INSR: variants seen among roughly 807,000 people sequenced by gnomAD.
The protein encoded by INSR is IR.
INSR carries 67 observed loss-of-function variants against 142.6 expected under a neutral mutation model. That is an observed-to-expected ratio of 0.47 (90% CI 0.39 to 0.58). The LOEUF (loss-of-function observed/expected upper bound fraction) is 0.58, where lower values mean the gene tolerates loss of function less well. Ranked by LOEUF, INSR falls within the 20% of genes least tolerant of loss-of-function variation. The pLI, the probability that INSR is intolerant of heterozygous loss-of-function variation, is 0.00. For synonymous variants in INSR, 756 were observed against 743.1 expected (o/e 1.02, Z -0.28); for missense variants, 1,248 against 1,833.2 (o/e 0.68, Z 5.83).
intron 21 of INSR, 99 bp from the exon 22 acceptor site, chr19:7,117,509 A>G: frequency 1.3e-6 from 1 of 780,256 alleles, no homozygotes; most frequent in Non-Finnish European, 2.1e-6. Context: ...CCCACGGACC[A>G]CATGTGCTCA....
Position 7,117,087 on chromosome 19 carries a change from A to G in INSR, c.4118T>C (p.Ile1373Thr). 1 of 1,614,098 alleles carries G rather than the reference A, an allele frequency of 6.2e-7. No individual in the cohort carries two copies. The highest frequency in any genetic ancestry group is 8.5e-7 in the Non-Finnish European group (1 of 1,180,010). Residue 1373 changes from isoleucine (I) to threonine (T), a missense_variant, in exon 22 of 22, where the codon ATT becomes ACT. This residue lies in a region of INSR where 122 missense variants were observed against 129.8 expected (regional missense o/e 0.94). Transcript: ENST00000302850. ...HMNGGKKNGR[I>T]LTLPRSNPS ...AGGATTGGACCGAGGCAAGGTCAGA[A>G]TCCGCCCGTTTTTCTTGCCTCCGTT... is the stretch of plus-strand genomic sequence containing the variant.
intron 1 of INSR, among the ~76,000 whole-genome samples, chr19:7,292,475 G>GGGGT (rs1555693262): frequency 8.2e-6 from 1 of 121,754 alleles, no homozygotes; most frequent in Non-Finnish European, 1.9e-5. Context: ...GGGGCTGGGG[G>GGGGT]GGGGTGGGCC....
intron 1 of INSR, among the ~76,000 whole-genome samples, chr19:7,283,185 C>A: frequency 6.6e-6 from 1 of 151,926 alleles, no homozygotes; most frequent in African/African-American, 2.4e-5. Flanking sequence ...AGTGCAAGAC[C>A]CTTTCTCAAA....
chr19:7,289,272 G>A (rs1435796237), intron 1 of INSR, among the ~76,000 whole-genome samples: 2 of 152,072 alleles, frequency 1.3e-5, no homozygotes, highest in Non-Finnish European at 2.9e-5. Flanking sequence ...GATGGAAAGG[G>A]CAGGGAGGAC....
chr19:7,144,398 CTCCT>C (rs1227693228), intron 11 of INSR, among the ~76,000 whole-genome samples: 1 of 151,894 alleles, frequency 6.6e-6, no homozygotes. Context: ...CTTAACCATC[CTCCT>C]TATTTATTTA....
At chr19:7,252,517 A>AATGAGGCAGCCTGGGACTCACCACCC (rs1976759236) in intron 2 of INSR, among the ~76,000 whole-genome samples, 1 of 152,158 alleles carries the variant, frequency 6.6e-6, no homozygotes, top group Non-Finnish European at 1.5e-5. Context: ...CATCACCACC[A>AATGAGGCAGCCTGGGACTCACCACCC]ATGAGGCAGC....
At chr19:7,279,043 C>G (rs1481128014) in intron 1 of INSR, among the ~76,000 whole-genome samples, 2 of 152,062 alleles carry the variant, frequency 1.3e-5, no homozygotes, top group Non-Finnish European at 2.9e-5. Context: ...GCAGGACAAT[C>G]TCTTAAACCC....
chr19:7,119,454 C>G lies in INSR; in HGVS notation c.3789G>C (p.Glu1263Asp). The G allele has an allele frequency of 1.2e-6, 2 of 1,614,216 alleles. No homozygotes were observed. Among genetic ancestry groups the G allele is most frequent in the Non-Finnish European group, 1.7e-6 (2 of 1,180,036 alleles). Residue 1263 changes from glutamate to aspartate, a missense_variant, in exon 21 of 22, where the codon GAG becomes GAC. Glu to Asp is a conservative substitution (Grantham distance 45, BLOSUM62 2). Around this residue, in one of 3 missense-constraint regions of INSR, gnomAD observed 1,069 missense variants for 1,654.0 expected, o/e 0.65. Coordinates refer to ENST00000302850, the MANE Select transcript of INSR (RefSeq NM_000208.4). This position sits in a 1 kb window ranked among gnomAD's most constrained non-coding sequence, Gnocchi z 5.2. ...TAAACCCTTTCTACACTTACACTCT[C>G]TCTGGACAGTTGTCGGGTTGATCCA... ...GYLDQPDNCP[E>D]RVTDLMRMCW...
intron 2 of INSR, among the ~76,000 whole-genome samples, chr19:7,239,755 T>C (rs1017859225): frequency 6.6e-6 from 1 of 152,188 alleles, no homozygotes. Context: ...AGATACTATG[T>C]AGCACTTAAA....
rs1271756968 is a variant in INSR at position 7,153,173 on chromosome 19, CACAA to C, written c.2030-250_2030-247del. Among the ~76,000 whole-genome samples the C allele has an allele frequency of 1.9e-4, 12 of 61,868 alleles. 1 individual carries two copies. Among genetic ancestry groups the C allele is most frequent in the African/African-American group, 4.8e-4 (10 of 21,012 alleles). 40.6% of individuals were successfully genotyped at this position (61,868 alleles called of 152,430 possible). On this transcript the variant is annotated intron_variant, in intron 9 of 21. Transcript: ENST00000302850. The stretch of plus-strand genomic sequence containing the variant: ...CACAACACACCACACATACACACAC[CACAA>C]ACACACAACCACACACACACCACAC...
chr19:7,128,712 A>G (rs1972704769), intron 15 of INSR, 140 bp downstream of exon 15: 2 of 666,308 alleles, frequency 3.0e-6, no homozygotes, highest in Middle Eastern at 4.8e-4. Flanking sequence ...TATTATGACA[A>G]TTATCTGTAA....
intron 1 of INSR, among the ~76,000 whole-genome samples, chr19:7,288,226 C>G (rs901149357): frequency 6.6e-6 from 1 of 151,800 alleles, no homozygotes. Context: ...ATTAGCCAGG[C>G]ATGGTGGTGA....
intron 2 of INSR, 106 bp from the exon 3 acceptor site, chr19:7,184,743 T>C: frequency 1.1e-6 from 1 of 925,624 alleles, no homozygotes; most frequent in East Asian, 3.2e-5. Flanking sequence ...ATGCAGCAAT[T>C]CTGGATCAGA....
chr19:7,199,078 G>A (rs1407272138), intron 2 of INSR, among the ~76,000 whole-genome samples: 2 of 151,966 alleles, frequency 1.3e-5, no homozygotes. Flanking sequence ...TAGACATGGG[G>A]ACTCGTTGCC....
In INSR at chr19:7,120,753, A is replaced by C. The variant is rs145399067; in HGVS notation, c.3530-4T>G. On this transcript the variant is annotated splice_polypyrimidine_tract_variant and splice_region_variant and intron_variant, in intron 19 of 21. Coordinates refer to ENST00000302850, the MANE Select transcript of INSR (RefSeq NM_000208.4). ...ATGTCTCTGGTCATTCCAAAGTCTG[A>C]CAACACAAAAGGTTCACACGCTCTT... The C allele has an allele frequency of 1.9e-6, 3 of 1,613,770 alleles. No homozygotes were observed. Among genetic ancestry groups the C allele is most frequent in the Non-Finnish European group, 2.5e-6 (3 of 1,179,794 alleles).
chr19:7,247,508 A>G (rs1976572781), intron 2 of INSR, among the ~76,000 whole-genome samples: 1 of 152,194 alleles, frequency 6.6e-6, no homozygotes, highest in South Asian at 2.1e-4. Context: ...CAAGGGGTGG[A>G]GAGGTTGAAA....
At chr19:7,232,149 C>T (rs1975999906) in intron 2 of INSR, among the ~76,000 whole-genome samples, 1 of 152,090 alleles carries the variant, frequency 6.6e-6, no homozygotes, top group Non-Finnish European at 1.5e-5. Flanking sequence ...GTGGTGGTTA[C>T]ACAGGTGCAT....
chr19:7,293,604 C>T (rs573155488), intron 1 of INSR, among the ~76,000 whole-genome samples, 188 bp downstream of exon 1: 1 of 152,266 alleles, frequency 6.6e-6, no homozygotes, highest in East Asian at 1.9e-4. Context: ...GGCGCGAGCC[C>T]GGGCGGGCAA....
At chr19:7,282,980 G>GTCA (rs1968249199) in intron 1 of INSR, among the ~76,000 whole-genome samples, 1 of 146,356 alleles carries the variant, frequency 6.8e-6, no homozygotes, top group African/African-American at 2.5e-5. Context: ...CTCAAAAAAA[G>GTCA]TAATAATAAT....
Sources: gnomAD v4.1 joint callset for allele counts (sites outside exome capture counted in the v4.1 genomes callset) on GRCh38, gnomAD v4.1.1 for gene constraint, gnomAD v4.1.1 regional missense constraint, Gnocchi (gnomAD v3.1) non-coding constraint, MANE v1.5 for transcripts, NCBI Gene and HGNC (gene_info 2026-07-23, HGNC 2026-07-21) for gene names.